Variants in UVRAG observed in about 807,000 individuals in gnomAD.
The protein encoded by UVRAG is UV radiation resistance associated.
Under a neutral mutation model 78.0 loss-of-function variants are expected in UVRAG, and 19 were observed. That is an observed-to-expected ratio of 0.24 (90% CI 0.17 to 0.36). The LOEUF is 0.36. Ranked by LOEUF, UVRAG falls within the 10% of genes least tolerant of loss-of-function variation. The pLI is 1.00. For missense variants in UVRAG, 740 were observed against 853.8 expected, an observed-to-expected ratio of 0.87 and a Z score of 1.66; for synonymous variants, 323 against 324.6, an observed-to-expected ratio of 1.00 and a Z score of 0.05.
chr11:75,927,052 T>A (rs1948122389), intron 6 of UVRAG, among the ~76,000 whole-genome samples: 1 of 151,816 alleles, frequency 6.6e-6, no homozygotes, highest in Admixed American at 6.6e-5. Context: ...TTGCCTAAGG[T>A]TGCATTATGG....
intron 6 of UVRAG, among the ~76,000 whole-genome samples, chr11:75,938,440 A>G (rs1462670846): frequency 6.6e-6 from 1 of 151,966 alleles, no homozygotes; most frequent in Non-Finnish European, 1.5e-5. Flanking sequence ...ATTTTACCTT[A>G]TTGTTTGTTG....
intron 2 of UVRAG, among the ~76,000 whole-genome samples, chr11:75,860,636 A>G (rs559742344): frequency 1.9e-4 from 29 of 152,296 alleles, no homozygotes; most frequent in African/African-American, 6.5e-4. Context: ...TTGAGGATAA[A>G]ATGAAAAGAA....
chr11:76,021,105 G>A (rs1444847264), intron 12 of UVRAG, among the ~76,000 whole-genome samples: 8 of 152,090 alleles, frequency 5.3e-5, no homozygotes, highest in Non-Finnish European at 1.2e-4. Context: ...GGGAAGGGGC[G>A]GCGTCAGCAA....
intron 6 of UVRAG, among the ~76,000 whole-genome samples, chr11:75,920,393 C>A (rs1413490008): frequency 6.6e-6 from 1 of 152,008 alleles, no homozygotes; most frequent in Non-Finnish European, 1.5e-5. Flanking sequence ...ACATTTTATT[C>A]TTCTTTATTC....
intron 8 of UVRAG, among the ~76,000 whole-genome samples, chr11:76,002,539 A>G (rs1362587170): frequency 6.6e-6 from 1 of 152,300 alleles, no homozygotes; most frequent in African/African-American, 2.4e-5. Context: ...ATTATCTGGG[A>G]TGAAGAATGA....
chr11:75,820,440 C>T (rs1465728841), intron 1 of UVRAG, among the ~76,000 whole-genome samples: 11 of 151,808 alleles, frequency 7.2e-5, no homozygotes, highest in South Asian at 2.1e-4. Context: ...CCGCAACCTC[C>T]GCCTTTCAGG....
At chr11:76,064,679 A>G (rs1002163066) in intron 12 of UVRAG, among the ~76,000 whole-genome samples, 1 of 152,182 alleles carries the variant, frequency 6.6e-6, no homozygotes, top group African/African-American at 2.4e-5. Context: ...AATTTAATAT[A>G]AAGCCCTTAA....
intron 4 of UVRAG, among the ~76,000 whole-genome samples, chr11:75,881,812 T>C (rs144378740): frequency 6.6e-6 from 1 of 152,238 alleles, no homozygotes; most frequent in Non-Finnish European, 1.5e-5. Flanking sequence ...AGATATAGAT[T>C]ATTATAATTA....
At chr11:75,822,848 T>G (rs1945427565) in intron 1 of UVRAG, among the ~76,000 whole-genome samples, 1 of 152,062 alleles carries the variant, frequency 6.6e-6, no homozygotes, top group Non-Finnish European at 1.5e-5. Flanking sequence ...GTGATTTGTA[T>G]GGAGGCTTCA....
rs527736710 is a variant in UVRAG at position 75,961,083 on chromosome 11, T to C, written c.594-361T>C. ...TAATTGTCACCTTTGAGAGTGGTGA[T>C]ACTCTCTCGGTGACTTTAGCAATCC... On this transcript the variant is annotated intron_variant, in intron 6 of 14. Transcript: ENST00000356136. Among the ~76,000 whole-genome samples, 36 of 152,266 alleles carry C rather than the reference T, an allele frequency of 2.4e-4. No individual in the cohort carries two copies. The South Asian group carries it at 7.5e-3, about 32-fold the overall frequency.
rs528402138 is a variant in UVRAG, at chr11:76,137,675, G to A, written c.1398-3036G>A. 8.5e-6 allele frequency: 3 copies of A among 352,884 alleles called. No homozygotes were observed. In the Admixed American group the frequency reaches 1.1e-4, roughly 13 times the overall value. The allele number at this position is 352,884 out of a possible 1,614,324, so 21.9% of individuals were successfully genotyped here. On this transcript the variant is annotated intron_variant, in intron 14 of 14. Transcript: ENST00000356136. ...ATATTTTGGGAGGCCAAGGCAAGAG[G>A]ATCACTTGAGCCCAGGAGTTTGAGA...
chr11:75,848,168 G>C (rs922042286), intron 1 of UVRAG, among the ~76,000 whole-genome samples: 10 of 151,316 alleles, frequency 6.6e-5, no homozygotes, highest in African/African-American at 2.2e-4. Flanking sequence ...CTGTACTCCA[G>C]CCTGGGGGAC....
At chr11:75,906,340 G>T (rs976668543) in intron 5 of UVRAG, among the ~76,000 whole-genome samples, 1 of 151,518 alleles carries the variant, frequency 6.6e-6, no homozygotes, top group Non-Finnish European at 1.5e-5. Context: ...TTTATAGTGG[G>T]TTTTTTTGTT....
chr11:76,002,343 A>G (rs1490156299), intron 8 of UVRAG, among the ~76,000 whole-genome samples: 2 of 152,068 alleles, frequency 1.3e-5, no homozygotes, highest in African/African-American at 4.8e-5. Flanking sequence ...TTGTTAGCTG[A>G]TTGGGATATT....
intron 6 of UVRAG, among the ~76,000 whole-genome samples, chr11:75,932,403 G>A (rs932703827): frequency 6.6e-6 from 1 of 151,994 alleles, no homozygotes; most frequent in Non-Finnish European, 1.5e-5. Flanking sequence ...TCCTGCCTCA[G>A]CCTCCCGAAT....
intron 6 of UVRAG, among the ~76,000 whole-genome samples, chr11:75,939,804 A>C (rs1351832701): frequency 3.9e-5 from 6 of 152,180 alleles, no homozygotes; most frequent in African/African-American, 1.4e-4. Context: ...AATTATAATT[A>C]CTAGTATGCT....
intron 12 of UVRAG, among the ~76,000 whole-genome samples, chr11:76,027,141 G>C (rs551916833): frequency 6.6e-6 from 1 of 152,214 alleles, no homozygotes; most frequent in East Asian, 1.9e-4. Context: ...GCCCCCCTGA[G>C]GAGAGGCAAG....
chr11:75,924,420 C>G (rs1198025684), intron 6 of UVRAG, among the ~76,000 whole-genome samples: 3 of 151,400 alleles, frequency 2.0e-5, no homozygotes, highest in Non-Finnish European at 4.4e-5. Context: ...GAGTCTCGCT[C>G]TGTCACCCAG....
At chr11:76,007,407 A>C (rs1169011767) in intron 9 of UVRAG, 127 bp from the exon 10 acceptor site, 7 of 685,710 alleles carry the variant, frequency 1.0e-5, no homozygotes, top group Non-Finnish European at 1.7e-5. Flanking sequence ...TTATGCTTCT[A>C]CTTCTGAGTT....
Sources: gnomAD v4.1 joint callset for allele counts (sites outside exome capture counted in the v4.1 genomes callset) on GRCh38, gnomAD v4.1.1 for gene constraint, MANE v1.5 for transcripts, NCBI Gene and HGNC (gene_info 2026-07-23, HGNC 2026-07-21) for gene names.